Variants in TUBB8 observed in about 807,000 individuals in gnomAD.
The protein encoded by TUBB8 is tubulin beta 8 class VIII, also known as tubulin beta-8 chain.
A neutral mutation model predicts 33.7 loss-of-function variants in TUBB8; 25 were observed. The observed-to-expected ratio is 0.74, with a 90% CI of 0.54 to 1.04. The LOEUF (loss-of-function observed/expected upper bound fraction) is 1.04, where lower values mean the gene tolerates loss of function less well. Among genes scored for constraint, TUBB8 ranks in the 50% least tolerant of loss-of-function variants. The pLI is 0.00. For synonymous variants in TUBB8, 245 were observed against 240.1 expected (o/e 1.02, Z -0.19); for missense variants, 279 against 608.0 (o/e 0.46, Z 5.69).
At chr10:49,306 C>A, upstream of TUBB8, 2 of 1,505,862 alleles carry the variant, frequency 1.3e-6, no homozygotes, top group East Asian at 2.5e-5. Context: ...CGACCCAGCC[C>A]GCCCTCCGCC....
chr10:59,751 C>CAT (rs1834574584), intron 1 of TUBB8, among the ~76,000 whole-genome samples: 1,102 of 139,624 alleles, frequency 7.9e-3, no homozygotes, highest in African/African-American at 0.03. Context: ...TTCTTTCCTT[C>CAT]TCTATTTTTC....
intron 1 of TUBB8, among the ~76,000 whole-genome samples, chr10:69,446 T>C (rs2130950881): frequency 6.6e-6 from 1 of 152,380 alleles, no homozygotes; most frequent in South Asian, 2.1e-4. Context: ...GTTAATAATG[T>C]GGTTTTTCTA....
intron 1 of TUBB8, among the ~76,000 whole-genome samples, chr10:61,465 G>GA: frequency 6.6e-6 from 1 of 152,298 alleles, no homozygotes; most frequent in East Asian, 1.9e-4. Flanking sequence ...TGTGGTCAGA[G>GA]AAAATGCTTG....
chr10:59,246 T>C (rs113198193), intron 1 of TUBB8, among the ~76,000 whole-genome samples: 7,881 of 152,284 alleles, frequency 0.052, 282 homozygotes, highest in African/African-American at 0.1. Context: ...TGGAGTGCAA[T>C]GGCATGGTCT....
chr10:56,144 C>A (rs1554740135), intron 1 of TUBB8, among the ~76,000 whole-genome samples: 1 of 152,242 alleles, frequency 6.6e-6, no homozygotes, highest in African/African-American at 2.4e-5. Flanking sequence ...ATTTTTTTGT[C>A]TTCTCTTTCT....
At chr10:68,191 G>C (rs1554741889) in intron 1 of TUBB8, among the ~76,000 whole-genome samples, 1 of 152,162 alleles carries the variant, frequency 6.6e-6, no homozygotes, top group African/African-American at 2.4e-5. Context: ...ATACTGATAT[G>C]ACACCCACAA....
rs781804090 is a variant in TUBB8 at position 47,089 on chromosome 10, C to T, written c.1303G>A (p.Asp435Asn). 1.7e-5 allele frequency: 22 copies of T among 1,323,264 alleles called. No individual in the cohort carries two copies. In the African/African-American group the frequency reaches 3.0e-4, roughly 18 times the overall value. 82.0% of individuals were successfully genotyped at this position (1,323,264 alleles called of 1,614,324 possible). ...YQDATAEEEEDEEYAEEEVA is the reference protein window; with the variant it reads ...YQDATAEEEENEEYAEEEVA ...ACCTCCTCCTCGGCATACTCCTCAT[C>T]CTCCTCCTCCTCGGCCGTGGCATCC... The change falls in exon 4 of 4, where the codon GAT becomes AAT. Residue 435 changes from aspartate (D) to asparagine (N), a missense_variant. By Grantham distance (23) the Asp-to-Asn change is conservative. Transcript: ENST00000568584.
upstream of TUBB8, among the ~76,000 whole-genome samples, chr10:50,525 G>A (rs1241199700): frequency 6.6e-6 from 1 of 152,090 alleles, no homozygotes; most frequent in East Asian, 1.9e-4. Flanking sequence ...CTTTTACATG[G>A]TCAGTCTCTC....
upstream of TUBB8, among the ~76,000 whole-genome samples, chr10:76,542 A>G (rs181968255): frequency 9.5e-3 from 1,451 of 152,144 alleles, 22 homozygotes; most frequent in African/African-American, 0.033. Flanking sequence ...GGTGTCCCGA[A>G]GCCCCGGCCC....
upstream of TUBB8, among the ~76,000 whole-genome samples, chr10:51,990 G>A (rs1554739626): frequency 6.6e-6 from 1 of 152,214 alleles, no homozygotes; most frequent in African/African-American, 2.4e-5. Flanking sequence ...GCAACAATAT[G>A]CAGAGCACTC....
upstream of TUBB8, among the ~76,000 whole-genome samples, chr10:50,522 A>T (rs1350586204): frequency 6.6e-6 from 1 of 152,048 alleles, no homozygotes; most frequent in East Asian, 1.9e-4. Flanking sequence ...TTCCTTTTAC[A>T]TGGTCAGTCT....
upstream of TUBB8, among the ~76,000 whole-genome samples, chr10:75,478 C>A (rs10904532): frequency 0.78 from 116,742 of 150,614 alleles, 45,800 homozygotes; most frequent in Middle Eastern, 0.89. Context: ...CACATGAGGA[C>A]ACCCCATCCC....
In TUBB8 at chr10:47,064, A is replaced by G. The variant is rs1202517288; in HGVS notation, c.1328T>C (p.Val443Ala). 11 of 1,117,950 alleles carry G rather than the reference A, an allele frequency of 9.8e-6. No homozygotes were observed. Among genetic ancestry groups the G allele is most frequent in the Non-Finnish European group, 1.3e-5 (10 of 752,716 alleles). The allele number at this position is 1,117,950 out of a possible 1,614,324, so 69.3% of individuals were successfully genotyped here. Reference sequence around the variant, plus strand: ...ACCTAGAAAAGGAGAGTTCTAGGCCACCTCCTCCTCGGCATACTCCTCATC... The same window carrying G: ...ACCTAGAAAAGGAGAGTTCTAGGCCGCCTCCTCCTCGGCATACTCCTCATC... ...EEDEEYAEEE[V>A]A The change falls in exon 4 of 4, where the codon GTG becomes GCG. Residue 443 changes from valine (V) to alanine (A), a missense_variant. Transcript: ENST00000568584.
At chr10:72,839 G>A (rs1232145932) in intron 1 of TUBB8, among the ~76,000 whole-genome samples, 8 of 142,150 alleles carry the variant, frequency 5.6e-5, no homozygotes, top group African/African-American at 1.4e-4. Context: ...GAGACAGAGC[G>A]ACACTCCATC....
chr10:62,987 T>C (rs147111207), intron 1 of TUBB8, among the ~76,000 whole-genome samples: 22,531 of 126,074 alleles, frequency 0.18, no homozygotes, highest in African/African-American at 0.32. Context: ...TAAATCTGCT[T>C]GATGTTCTGT....
At chr10:61,778 G>A (rs1419036901) in intron 1 of TUBB8, among the ~76,000 whole-genome samples, 1 of 152,180 alleles carries the variant, frequency 6.6e-6, no homozygotes, top group Non-Finnish European at 1.5e-5. Context: ...AGGTGCTTTA[G>A]TGTTGGGTGC....
chr10:52,890 G>A (rs1441960545), upstream of TUBB8, among the ~76,000 whole-genome samples: 2 of 152,174 alleles, frequency 1.3e-5, no homozygotes, highest in African/African-American at 2.4e-5. Context: ...TGGTAACCAC[G>A]AGTTCCTCTA....
chr10:66,167 C>T (rs1350518396), intron 1 of TUBB8, among the ~76,000 whole-genome samples: 3 of 152,224 alleles, frequency 2.0e-5, no homozygotes, highest in South Asian at 2.1e-4. Context: ...GTAAAGAGAA[C>T]TTATATGTGT....
intron 1 of TUBB8, among the ~76,000 whole-genome samples, chr10:70,316 G>T (rs189357902): frequency 0.062 from 9,332 of 151,516 alleles, 319 homozygotes; most frequent in Non-Finnish European, 0.081. Context: ...AAGTTTTAGG[G>T]TACATGTGCA....
Sources: gnomAD v4.1 joint callset for allele counts (sites outside exome capture counted in the v4.1 genomes callset) on GRCh38, gnomAD v4.1.1 for gene constraint, MANE v1.5 for transcripts, NCBI Gene and HGNC (gene_info 2026-07-23, HGNC 2026-07-21) for gene names.